EIF4E: variants seen among roughly 807,000 people sequenced by gnomAD.
EIF4E encodes the protein eukaryotic translation initiation factor 4E.
For missense variants in EIF4E, 113 were observed against 265.6 expected (o/e 0.43, Z 3.99); for synonymous variants, 71 against 88.5 (o/e 0.80, Z 1.11).
chr4:98,923,542 GC>G (rs1189285994), intron 1 of EIF4E, among the ~76,000 whole-genome samples: 5 of 152,088 alleles, frequency 3.3e-5, no homozygotes, highest in Admixed American at 2.0e-4. Flanking sequence ...CAAACTCCGG[GC>G]TCAAGTGATC....
Position 98,920,456 on chromosome 4 carries a change from G to A in EIF4E, c.18+8639C>T, listed in dbSNP as rs139189734. On this transcript the variant is annotated intron_variant, in intron 1 of 6. Transcript: ENST00000450253. ...ACTACAGGCACCCATGAACACGCTC[G>A]GCTAATTTTTGTATTTTTAGTAAAG... Among the ~76,000 whole-genome samples, 45 of 151,840 alleles carry A rather than the reference G, an allele frequency of 3.0e-4. 1 individual carries two copies. In the East Asian group the frequency reaches 3.9e-3, roughly 13 times the overall value.
At chr4:98,923,026 T>C (rs1261549716) in intron 1 of EIF4E, among the ~76,000 whole-genome samples, 1 of 151,892 alleles carries the variant, frequency 6.6e-6, no homozygotes, top group Non-Finnish European at 1.5e-5. Flanking sequence ...TTTGTAATTT[T>C]GTTAAGTAGA....
chr4:98,914,361 CAAAAAAAAAA>C (rs1159581783), intron 1 of EIF4E, among the ~76,000 whole-genome samples: 860 of 34,860 alleles, frequency 0.025, 14 homozygotes, highest in African/African-American at 0.085. Flanking sequence ...GACTCCGTCT[CAAAAAAAAAA>C]AAAAAAAAAA....
intron 2 of EIF4E, among the ~76,000 whole-genome samples, chr4:98,900,176 T>A (rs563507790): frequency 6.6e-6 from 1 of 151,214 alleles, no homozygotes; most frequent in South Asian, 2.1e-4. Flanking sequence ...GAAAAAAAAA[T>A]GTGGGTTTTG....
At chr4:98,918,608 G>C (rs1475589010) in intron 1 of EIF4E, among the ~76,000 whole-genome samples, 1 of 151,980 alleles carries the variant, frequency 6.6e-6, no homozygotes, top group East Asian at 1.9e-4. Context: ...GAATGATACA[G>C]GGAAAAGTTT....
At chr4:98,910,278 C>A (rs1725063573) in intron 1 of EIF4E, among the ~76,000 whole-genome samples, 1 of 151,968 alleles carries the variant, frequency 6.6e-6, no homozygotes, top group Admixed American at 6.6e-5. Context: ...TAGCAAAATA[C>A]AAATCTTTCA....
rs1560652727 is a variant in EIF4E, at chr4:98,917,135, A to ACACACAC, written c.18+11959_18+11960insGTGTGTG. Among the ~76,000 whole-genome samples, 29 of 29,310 alleles carry ACACACAC rather than the reference A, an allele frequency of 9.9e-4. 1 individual carries two copies. Among genetic ancestry groups the ACACACAC allele is most frequent in the East Asian group, 2.8e-3 (2 of 712 alleles). The allele number at this position is 29,310 out of a possible 152,430, so 19.2% of individuals were successfully genotyped here. A position where few individuals can be genotyped will look rare whatever the true frequency, so the allele number is the denominator to read the frequency against. ...ACACACACACACACACACACACACA[A>ACACACAC]AAAAAACCCAAATGCTCAAGTGTCC... On this transcript the variant is annotated intron_variant, in intron 1 of 6. Coordinates refer to ENST00000450253, the MANE Select transcript of EIF4E (RefSeq NM_001968.5).
In EIF4E at chr4:98,887,053, A is replaced by G; in HGVS notation, c.399+26T>C. The G allele has an allele frequency of 6.2e-7, 1 of 1,608,240 alleles. No individual in the cohort carries two copies. Among genetic ancestry groups the G allele is most frequent in the Non-Finnish European group, 8.5e-7 (1 of 1,176,406 alleles). The stretch of plus-strand genomic sequence containing the variant: ...TCAGTATTCCAAAACTACCTCTAAA[A>G]CTGCTTTATACTTTTAAAACCTTAC... On this transcript the variant is annotated intron_variant, in intron 5 of 6. Transcript: ENST00000450253. The surrounding 1 kb of genome is among the most constrained non-coding windows in gnomAD (Gnocchi z 4.0).
intron 1 of EIF4E, chr4:98,909,764 T>C (rs554376178): frequency 9.9e-6 from 7 of 704,490 alleles, no homozygotes; most frequent in African/African-American, 5.2e-5. Flanking sequence ...TCCTTCTTGT[T>C]TTGCTTCTTT....
In EIF4E at chr4:98,881,079, T is replaced by C; in HGVS notation, c.603A>G (p.Ala201=). The C allele has an allele frequency of 6.2e-7, 1 of 1,612,768 alleles. No individual in the cohort carries two copies. Among genetic ancestry groups the C allele is most frequent in the Non-Finnish European group, 8.5e-7 (1 of 1,179,492 alleles). ...TGGAGCCGCTCTTAGTAGCTGTGTC[T>C]GCGTGGGACTGATAACCAATCACTA... is the stretch of plus-strand genomic sequence containing the variant. The part of the protein sequence containing the change: ...PKIVIGYQSH[A]DTATKSGSTT... Residue 201 remains alanine, a synonymous_variant, in exon 7 of 7, where the codon GCA becomes GCG. Transcript: ENST00000450253.
At chr4:98,903,919 A>G (rs909279079) in intron 1 of EIF4E, among the ~76,000 whole-genome samples, 1 of 152,216 alleles carries the variant, frequency 6.6e-6, no homozygotes, top group Non-Finnish European at 1.5e-5. Context: ...CTTAAAATTA[A>G]TGATGGGTTT....
rs780928289 is a variant in EIF4E at position 98,928,925 on chromosome 4, CATCCTCCG to C, written c.18+162_18+169del. On this transcript the variant is annotated intron_variant, in intron 1 of 6. Transcript: ENST00000450253. ...AGTGTGCGCTACACGCCGCCTCGGCCATCCTCCGGGACGTCCCCACTTGTCCGCGGGAG... is the reference window on the plus strand; with the variant it reads ...AGTGTGCGCTACACGCCGCCTCGGCCGGACGTCCCCACTTGTCCGCGGGAG... 2.8e-5 allele frequency: 44 copies of C among 1,572,792 alleles called. 1 individual carries two copies. The South Asian group carries it at 4.9e-4, about 18-fold the overall frequency.
At chr4:98,886,614 C>T in intron 5 of EIF4E, 1 of 361,394 alleles carries the variant, frequency 2.8e-6, no homozygotes, top group South Asian at 2.1e-5. Context: ...ACTTAAGAGG[C>T]TGAAGTGGGA....
intron 1 of EIF4E, among the ~76,000 whole-genome samples, chr4:98,921,892 C>A (rs1450435985): frequency 6.6e-6 from 1 of 152,214 alleles, no homozygotes; most frequent in Non-Finnish European, 1.5e-5. Context: ...AAGTGTCCAT[C>A]CACTTTCTTT....
chr4:98,919,803 C>A (rs1262154518), intron 1 of EIF4E, among the ~76,000 whole-genome samples: 1 of 152,134 alleles, frequency 6.6e-6, no homozygotes, highest in Non-Finnish European at 1.5e-5. Flanking sequence ...AAGTGCTCCA[C>A]CTGCCACAGC....
chr4:98,892,081 TCACGCCTGTAATCCCAG>T (rs1724163527), intron 2 of EIF4E, among the ~76,000 whole-genome samples: 3 of 152,082 alleles, frequency 2.0e-5, no homozygotes, highest in Non-Finnish European at 4.4e-5. Flanking sequence ...GCGCGGTGGT[TCACGCCTGTAATCCCAG>T]CACTCTGGGA....
chr4:98,896,178 G>C (rs572326143), intron 2 of EIF4E, among the ~76,000 whole-genome samples: 3 of 136,982 alleles, frequency 2.2e-5, no homozygotes, highest in Non-Finnish European at 4.4e-5. Flanking sequence ...CCTGGTGACA[G>C]AGCGAGGCTC....
At chr4:98,911,127 G>C (rs1020354946) in intron 1 of EIF4E, among the ~76,000 whole-genome samples, 1 of 151,416 alleles carries the variant, frequency 6.6e-6, no homozygotes, top group Non-Finnish European at 1.5e-5. Context: ...TCGGCTCACT[G>C]CAACTTCCAT....
chr4:98,923,999 A>G (rs1202269071), intron 1 of EIF4E, among the ~76,000 whole-genome samples: 1 of 152,068 alleles, frequency 6.6e-6, no homozygotes, highest in Non-Finnish European at 1.5e-5. Flanking sequence ...ACCCATGCTC[A>G]TTTCCACTTC....
Sources: allele counts gnomAD v4.1 joint callset (sites outside exome capture counted in the v4.1 genomes callset), GRCh38; gene constraint gnomAD v4.1.1; non-coding constraint Gnocchi (gnomAD v3.1); transcripts MANE v1.5; gene names NCBI Gene and HGNC (gene_info 2026-07-23, HGNC 2026-07-21).